The following ACER2 variants were observed in gnomAD, a reference collection of about 807,000 sequenced individuals.
ACER2 encodes alkaline ceramidase 2, also known as alkCDase 2.
ACER2 carries 26 observed loss-of-function variants against 34.7 expected under a neutral mutation model. The ratio of observed to expected loss-of-function variants is 0.75; its 90% confidence interval spans 0.55 to 1.04. The LOEUF (loss-of-function observed/expected upper bound fraction) is 1.04. Among genes scored for constraint, ACER2 ranks in the 50% least tolerant of loss-of-function variants. The probability of loss-of-function intolerance (pLI) is 0.00; values close to 1 mark genes in which losing one functional copy is unlikely to be tolerated. For synonymous variants in ACER2, 138 were observed against 132.1 expected (o/e 1.04, Z -0.31); for missense variants, 352 against 340.8 (o/e 1.03, Z -0.26).
chr9:19,446,962 C>T (rs113856672), intron 5 of ACER2, among the ~76,000 whole-genome samples: 1,537 of 152,090 alleles, frequency 0.01, 28 homozygotes, highest in African/African-American at 0.035. Context: ...TAGAAAACAA[C>T]CTTGGAGTTC....
chr9:19,449,115 G>A (rs955030824), intron 5 of ACER2, among the ~76,000 whole-genome samples: 6 of 152,216 alleles, frequency 3.9e-5, no homozygotes, highest in Non-Finnish European at 7.3e-5. Context: ...GAGCAACAGA[G>A]TGAGACCCCG....
chr9:19,430,264 T>C (rs1830711816), intron 3 of ACER2, among the ~76,000 whole-genome samples: 1 of 152,188 alleles, frequency 6.6e-6, no homozygotes, highest in Non-Finnish European at 1.5e-5. Flanking sequence ...GTAACAGCTT[T>C]ACTATAAAAA....
chr9:19,409,275 G>A (rs1830011099), intron 1 of ACER2, 83 bp downstream of exon 1: 51 of 1,353,208 alleles, frequency 3.8e-5, no homozygotes, highest in Non-Finnish European at 5.0e-5. Context: ...AGCTGGACGT[G>A]GGTCTCTGCG....
chr9:19,447,280 G>C lies in ACER2; in HGVS notation c.641+862G>C, dbSNP rs186534176. 1.3e-4 allele frequency among the ~76,000 whole-genome samples: 20 copies of C among 152,322 alleles called. No individual in the cohort carries two copies. In the East Asian group the frequency reaches 1.7e-3, roughly 13 times the overall value. ...AAATGGAAAAACTTTGTTAGATCTAGATTCAGGAAAAGGTTGACTTCTATC... is the reference window on the plus strand; with the variant it reads ...AAATGGAAAAACTTTGTTAGATCTACATTCAGGAAAAGGTTGACTTCTATC... On this transcript the variant is annotated intron_variant, in intron 5 of 5. Coordinates refer to ENST00000340967, the MANE Select transcript of ACER2 (RefSeq NM_001010887.3).
At chr9:19,409,311 G>T (rs1830012356) in intron 1 of ACER2, 119 bp downstream of exon 1, 1 of 946,644 alleles carries the variant, frequency 1.1e-6, no homozygotes, top group African/African-American at 1.6e-5. Context: ...TCTCTCCAGG[G>T]GCTGAGTCAG....
chr9:19,435,704 A>G (rs1323819325), intron 4 of ACER2, among the ~76,000 whole-genome samples: 2 of 151,836 alleles, frequency 1.3e-5, no homozygotes, highest in Non-Finnish European at 2.9e-5. Flanking sequence ...GTGAGCTGAG[A>G]TCACACTGCT....
chr9:19,439,303 C>T (rs1189351587), intron 4 of ACER2, among the ~76,000 whole-genome samples: 3 of 150,346 alleles, frequency 2.0e-5, no homozygotes, highest in East Asian at 2.0e-4. Context: ...CACTCCTGTA[C>T]ATTGTCCTCT....
chr9:19,423,824 T>G (rs761375910), intron 1 of ACER2, 38 bp from the exon 2 acceptor site: 14 of 1,535,820 alleles, frequency 9.1e-6, no homozygotes, highest in Non-Finnish European at 1.3e-5. Context: ...CCTTTTTACT[T>G]AATACTCATC....
rs10122075 is a variant in ACER2 at position 19,409,109 on chromosome 9, C to A, written c.25C>A (p.Gln9Lys). The A allele has an allele frequency of 9.4e-4, 1,510 of 1,601,998 alleles. 13 individuals carry two copies. In the African/African-American group the frequency reaches 0.018, roughly 19 times the overall value. MGAPHWWD[Q>K]LQAGSSEVDW... The stretch of plus-strand genomic sequence containing the variant: ...CATGGGCGCCCCGCACTGGTGGGAC[C>A]AGCTGCAGGCTGGTAGCTCGGAGGT... Residue 9 changes from glutamine (Q) to lysine (K), a missense_variant, in exon 1 of 6, where the codon CAG becomes AAG. Coordinates refer to ENST00000340967, the MANE Select transcript of ACER2 (RefSeq NM_001010887.3).
chr9:19,431,303 C>A (rs542666302), intron 3 of ACER2, among the ~76,000 whole-genome samples: 1 of 152,086 alleles, frequency 6.6e-6, no homozygotes, highest in Non-Finnish European at 1.5e-5. Flanking sequence ...GAGTTACTTG[C>A]CAAAGGTCTC....
chr9:19,434,148 G>C (rs2132503383), intron 3 of ACER2, among the ~76,000 whole-genome samples: 1 of 150,572 alleles, frequency 6.6e-6, no homozygotes, highest in Non-Finnish European at 1.5e-5. Flanking sequence ...CGGCGGGGCA[G>C]AGGCGCTCCC....
rs371209557 is a variant in ACER2 at position 19,434,830 on chromosome 9, C to T, written c.366-117C>T. The T allele has an allele frequency of 7.9e-5, 106 of 1,341,610 alleles. 1 individual carries two copies. Among genetic ancestry groups the T allele is most frequent in the East Asian group, 6.3e-4 (27 of 43,118 alleles). The allele number at this position is 1,341,610 out of a possible 1,614,324, so 83.1% of individuals were successfully genotyped here. A position where few individuals can be genotyped will look rare whatever the true frequency, so the allele number is the denominator to read the frequency against. ...TGGCTTTTTGAACCTTGGTACTTAG[C>T]GCAGAATTTCTTTTCAGCTTGTATT... On this transcript the variant is annotated intron_variant, in intron 3 of 5. Coordinates refer to ENST00000340967, the MANE Select transcript of ACER2 (RefSeq NM_001010887.3).
At position 19,450,693 on chromosome 9, in the gene ACER2, T is replaced by G; in HGVS notation, c.*57T>G. On this transcript the variant is annotated 3_prime_UTR_variant, in exon 6 of 6. Coordinates refer to ENST00000340967, the MANE Select transcript of ACER2 (RefSeq NM_001010887.3). ...CGCCCCTCATGCAGTGGGCTTCCTT[T>G]GCTAGGAAGACAGCCAAGGGAGTTC... 6.9e-7 allele frequency: 1 copy of G among 1,455,968 alleles called. No individual in the cohort carries two copies. The highest frequency in any genetic ancestry group is 2.3e-5 in the East Asian group (1 of 43,328). 90.2% of individuals were successfully genotyped at this position (1,455,968 alleles called of 1,614,324 possible).
chr9:19,418,952 C>T (rs890657514), intron 1 of ACER2, among the ~76,000 whole-genome samples: 2 of 151,986 alleles, frequency 1.3e-5, no homozygotes, highest in Non-Finnish European at 2.9e-5. Context: ...TTTGGGAGGC[C>T]GAGGAGGGTG....
At chr9:19,436,724 T>G (rs1354436193) in intron 4 of ACER2, among the ~76,000 whole-genome samples, 1 of 152,374 alleles carries the variant, frequency 6.6e-6, no homozygotes, top group South Asian at 2.1e-4. Context: ...TAATTTATTT[T>G]AATTAGTCAA....
At chr9:19,435,137 C>T (rs1029483273) in intron 4 of ACER2, 53 bp downstream of exon 4, 9 of 1,597,226 alleles carry the variant, frequency 5.6e-6, no homozygotes, top group South Asian at 1.1e-5. Context: ...TGGGAACACA[C>T]CAGTTCGGGG....
intron 4 of ACER2, among the ~76,000 whole-genome samples, chr9:19,443,965 A>G (rs1169632518): frequency 6.6e-6 from 1 of 151,932 alleles, no homozygotes; most frequent in Non-Finnish European, 1.5e-5. Context: ...GGCTAGTTTA[A>G]TACCAGATGT....
In ACER2 at chr9:19,413,469, G is replaced by A. The variant is rs151061319; in HGVS notation, c.108+4277G>A. ...CAAAAAACTAGCCAAGTGTGGTGGTGTGTGCCTGTAGTCCCAGCTACTAGG... is the reference window on the plus strand; with the variant it reads ...CAAAAAACTAGCCAAGTGTGGTGGTATGTGCCTGTAGTCCCAGCTACTAGG... On this transcript the variant is annotated intron_variant, in intron 1 of 5. Coordinates refer to ENST00000340967, the MANE Select transcript of ACER2 (RefSeq NM_001010887.3). Among the ~76,000 whole-genome samples, 894 of 152,138 alleles carry A rather than the reference G, an allele frequency of 5.9e-3. 4 individuals are homozygous for A. Among genetic ancestry groups the A allele is most frequent in the African/African-American group, 0.021 (852 of 41,494 alleles).
intron 3 of ACER2, among the ~76,000 whole-genome samples, chr9:19,426,454 CA>C (rs1294228784): frequency 6.6e-6 from 1 of 150,646 alleles, no homozygotes; most frequent in Non-Finnish European, 1.5e-5. Flanking sequence ...GAAAGATACC[CA>C]CCAGTCACCA....
Sources: gnomAD v4.1 joint callset for allele counts (sites outside exome capture counted in the v4.1 genomes callset) on GRCh38, gnomAD v4.1.1 for gene constraint, MANE v1.5 for transcripts, NCBI Gene and HGNC (gene_info 2026-07-23, HGNC 2026-07-21) for gene names.